ZNF135: variants seen among roughly 807,000 people sequenced by gnomAD.
ZNF135 encodes zinc finger protein 135.
ZNF135 carries 11 observed loss-of-function variants against 12.3 expected under a neutral mutation model. That is an observed-to-expected ratio of 0.89 (90% CI 0.56 to 1.48). The LOEUF is 1.48. Ranked by LOEUF, ZNF135 falls within the 40% of genes most tolerant of loss-of-function variation. ZNF135 has a pLI of 0.00. For synonymous variants in ZNF135, 316 were observed against 312.0 expected (o/e 1.01, Z -0.14); for missense variants, 722 against 815.7 (o/e 0.89, Z 1.40).
Position 58,067,001 on chromosome 19 carries a change from C to T in ZNF135, c.517C>T (p.Pro173Ser), listed in dbSNP as rs537028762. The T allele has an allele frequency of 8.1e-5, 130 of 1,614,150 alleles. No individual in the cohort carries two copies. The South Asian group carries it at 1.3e-3, about 16-fold the overall frequency. ...NGFGENISLN[P>S]DLPHQPMTPE... is the part of the protein sequence containing the mutation. ...GTTTGGGGAAAACATAAGTCTGAACCCTGATCTCCCACATCAACCAATGAC... is the reference window on the plus strand; with the variant it reads ...GTTTGGGGAAAACATAAGTCTGAACTCTGATCTCCCACATCAACCAATGAC... The change falls in exon 5 of 5, where the codon CCT becomes TCT. Residue 173 changes from proline (P) to serine (S), a missense_variant. By Grantham distance (74) the Pro-to-Ser change is moderately conservative (BLOSUM62 -1). Transcript: ENST00000313434.
In ZNF135 at chr19:58,059,552, A is replaced by G. The variant is rs2073930971; in HGVS notation, c.-35+242A>G. ...GGGGCCCAACGCCCAGCTGGACAGG[A>G]GCTGCTCCGACGGCCCCTGAGGGAA... On this transcript the variant is annotated intron_variant, in intron 1 of 4. Transcript: ENST00000313434. This position sits in a 1 kb window ranked among gnomAD's most constrained non-coding sequence, Gnocchi z 6.5. 6.6e-6 allele frequency among the ~76,000 whole-genome samples: 1 copy of G among 151,922 alleles called. No individual in the cohort carries two copies. Among genetic ancestry groups the G allele is most frequent in the South Asian group, 2.1e-4 (1 of 4,822 alleles).
intron 3 of ZNF135, among the ~76,000 whole-genome samples, chr19:58,062,113 T>G (rs1166378265): frequency 1.3e-5 from 2 of 152,240 alleles, no homozygotes; most frequent in Admixed American, 6.5e-5. Flanking sequence ...CTCATGGTTC[T>G]GGAGGCTGGG....
chr19:58,065,314 C>G lies in ZNF135; in HGVS notation c.257-1427C>G, dbSNP rs2074046430. 1.3e-5 allele frequency among the ~76,000 whole-genome samples: 2 copies of G among 152,108 alleles called. No homozygotes were observed. The highest frequency in any genetic ancestry group is 1.3e-4 in the Admixed American group (2 of 15,272). Reference sequence around the variant, plus strand: ...GCTCAGGTGATCCTCCTGCCTCAGCCTCCTGAGTAGCTGAGACTACAGGTG... The same window carrying G: ...GCTCAGGTGATCCTCCTGCCTCAGCGTCCTGAGTAGCTGAGACTACAGGTG... On this transcript the variant is annotated intron_variant, in intron 4 of 4. Coordinates refer to ENST00000313434, the MANE Select transcript of ZNF135 (RefSeq NM_001289401.2). This position sits in a 1 kb window ranked among gnomAD's most constrained non-coding sequence, Gnocchi z 4.0.
At chr19:58,064,848 C>T (rs987495056) in intron 4 of ZNF135, among the ~76,000 whole-genome samples, 1 of 152,140 alleles carries the variant, frequency 6.6e-6, no homozygotes, top group African/African-American at 2.4e-5. Flanking sequence ...CAAGATCACG[C>T]CACTGTGCTC....
chr19:58,062,516 G>A (rs1358359663), intron 3 of ZNF135, among the ~76,000 whole-genome samples: 1 of 151,612 alleles, frequency 6.6e-6, no homozygotes, highest in Non-Finnish European at 1.5e-5. Flanking sequence ...CTGAGTAGCT[G>A]GGACTACAGG....
rs2074049507 is a variant in ZNF135, at chr19:58,065,456, A to T, written c.257-1285A>T. On this transcript the variant is annotated intron_variant, in intron 4 of 4. Transcript: ENST00000313434. The surrounding 1 kb of genome is among the most constrained non-coding windows in gnomAD (Gnocchi z 4.0). ...AGGAGTCCTCCCACCTCAGCTGCCC[A>T]AAGTGTTGAGATTACAGGCATGAGG... Among the ~76,000 whole-genome samples, 1 of 152,172 alleles carries T rather than the reference A, an allele frequency of 6.6e-6. No individual in the cohort carries two copies. Among genetic ancestry groups the T allele is most frequent in the African/African-American group, 2.4e-5 (1 of 41,442 alleles).
chr19:58,062,476 G>A (rs576500414), intron 3 of ZNF135, among the ~76,000 whole-genome samples: 3 of 152,048 alleles, frequency 2.0e-5, no homozygotes, highest in Admixed American at 6.5e-5. Context: ...TCTGCCTCCC[G>A]GGTTCACACC....
At position 58,059,458 on chromosome 19, in the gene ZNF135, C is replaced by T. The variant is rs1240053251; in HGVS notation, c.-35+148C>T. 4.4e-6 allele frequency: 4 copies of T among 900,808 alleles called. No individual in the cohort carries two copies. Among genetic ancestry groups the T allele is most frequent in the Non-Finnish European group, 6.3e-6 (4 of 633,374 alleles). 55.8% of individuals were successfully genotyped at this position (900,808 alleles called of 1,614,324 possible). A position where few individuals can be genotyped will look rare whatever the true frequency, so the allele number is the denominator to read the frequency against. ...GTGGAGTCCGTTTTGCTGCCCGGGG[C>T]CTGGGGAAGGCCGTTTCGGGGCTGG... On this transcript the variant is annotated intron_variant, in intron 1 of 4. Transcript: ENST00000313434. The surrounding 1 kb of genome is among the most constrained non-coding windows in gnomAD (Gnocchi z 6.5).
rs148449225 is a variant in ZNF135, at chr19:58,068,214, C to T, written c.1730C>T (p.Pro577Leu). 2.1e-4 allele frequency: 346 copies of T among 1,613,984 alleles called. 1 individual carries two copies. The East Asian group carries it at 2.6e-3, about 12-fold the overall frequency. The change falls in exon 5 of 5, where the codon CCG becomes CTG. Residue 577 changes from proline to leucine, a missense_variant. Transcript: ENST00000313434. Reference sequence around the variant, plus strand: ...CAGAGGATTCACACCAAGGAAAAGCCGTATGGGTGCAATGAGTGTGGGAAA... The same window carrying T: ...CAGAGGATTCACACCAAGGAAAAGCTGTATGGGTGCAATGAGTGTGGGAAA... Reference protein sequence around the residue: ...EHQRIHTKEKPYGCNECGKSF... With the variant: ...EHQRIHTKEKLYGCNECGKSF...
Position 58,068,856 on chromosome 19 carries a change from C to A in ZNF135, c.*395C>A, listed in dbSNP as rs1338280086. 3 of 181,788 alleles carry A rather than the reference C, an allele frequency of 1.7e-5. No homozygotes were observed. The South Asian group carries it at 3.8e-4, about 23-fold the overall frequency. The allele number at this position is 181,788 out of a possible 1,614,324, so 11.3% of individuals were successfully genotyped here. ...AAATTGGTGAGAAACCCAACAAATG[C>A]CTTTCATATATACGAGAACCAAATG... On this transcript the variant is annotated 3_prime_UTR_variant, in exon 5 of 5. Coordinates refer to ENST00000313434, the MANE Select transcript of ZNF135 (RefSeq NM_001289401.2).
chr19:58,068,543 T>G lies in ZNF135; in HGVS notation c.*82T>G. 1 of 1,495,070 alleles carries G rather than the reference T, an allele frequency of 6.7e-7. No individual in the cohort carries two copies. The highest frequency in any genetic ancestry group is 9.0e-7 in the Non-Finnish European group (1 of 1,107,994). 92.6% of individuals were successfully genotyped at this position (1,495,070 alleles called of 1,614,324 possible). ...TCTAGATTTGACCCAATCATACACA[T>G]GAGAAACGTACATTCATACACAAGC... On this transcript the variant is annotated 3_prime_UTR_variant, in exon 5 of 5. Transcript: ENST00000313434.
chr19:58,063,338 A>AG lies in ZNF135; in HGVS notation c.161-104dup, dbSNP rs774102235. 190 of 1,503,074 alleles carry AG rather than the reference A, an allele frequency of 1.3e-4. No individual in the cohort carries two copies. Among genetic ancestry groups the AG allele is most frequent in the Middle Eastern group, 1.9e-4 (1 of 5,214 alleles). The allele number at this position is 1,503,074 out of a possible 1,614,324, so 93.1% of individuals were successfully genotyped here. A position where few individuals can be genotyped will look rare whatever the true frequency, so the allele number is the denominator to read the frequency against. ...GTGGGTATGACAGCTGAAGTCACTCAGGGGTCCCCAGCCATCTGGGACCTG... is the reference window on the plus strand; with the variant it reads ...GTGGGTATGACAGCTGAAGTCACTCAGGGGGTCCCCAGCCATCTGGGACCTG... On this transcript the variant is annotated intron_variant, in intron 3 of 4. Coordinates refer to ENST00000313434, the MANE Select transcript of ZNF135 (RefSeq NM_001289401.2). The surrounding 1 kb of genome is among the most constrained non-coding windows in gnomAD (Gnocchi z 4.4).
Position 58,059,687 on chromosome 19 carries a change from A to G in ZNF135, c.-34-282A>G, listed in dbSNP as rs1196182077. 2 of 530,140 alleles carry G rather than the reference A, an allele frequency of 3.8e-6. No individual in the cohort carries two copies. Among genetic ancestry groups the G allele is most frequent in the African/African-American group, 3.9e-5 (2 of 50,674 alleles). The allele number at this position is 530,140 out of a possible 1,614,324, so 32.8% of individuals were successfully genotyped here. ...ATAGTGCCCAGGGCCAGGGGACCGC[A>G]ACCACCCGGCCCTTGTCACTGTAGC... On this transcript the variant is annotated intron_variant, in intron 1 of 4. Coordinates refer to ENST00000313434, the MANE Select transcript of ZNF135 (RefSeq NM_001289401.2). This position sits in a 1 kb window ranked among gnomAD's most constrained non-coding sequence, Gnocchi z 6.5.
Position 58,068,172 on chromosome 19 carries a change from C to G in ZNF135, c.1688C>G (p.Ser563Cys). 6.2e-7 allele frequency: 1 copy of G among 1,613,990 alleles called. No individual in the cohort carries two copies. Among genetic ancestry groups the G allele is most frequent in the South Asian group, 1.1e-5 (1 of 91,074 alleles). Residue 563 changes from serine to cysteine, a missense_variant, in exon 5 of 5, where the codon TCC (serine) becomes TGC (cysteine). Ser to Cys is a moderately radical substitution (Grantham distance 112). Coordinates refer to ENST00000313434, the MANE Select transcript of ZNF135 (RefSeq NM_001289401.2). ...NQCGRAFSQS[S>C]LLIEHQRIHT... ...TGTGGCAGAGCCTTCAGCCAGAGCT[C>G]CCTTCTCATCGAACACCAGAGGATT...
chr19:58,060,066 TCCACCTCGTGCCCGG>T lies in ZNF135; in HGVS notation c.33+34_33+48del. On this transcript the variant is annotated intron_variant, in intron 2 of 4. Coordinates refer to ENST00000313434, the MANE Select transcript of ZNF135 (RefSeq NM_001289401.2). This position sits in a 1 kb window ranked among gnomAD's most constrained non-coding sequence, Gnocchi z 4.9. ...AATCTCGGCCTCCTTGCGCGTGTCC[TCCACCTCGTGCCCGG>T]CCTCCTCGCGCGCGGCCTTCTCACG... is the stretch of plus-strand genomic sequence containing the variant. The T allele has an allele frequency of 1.2e-6, 2 of 1,612,430 alleles. No homozygotes were observed. Among genetic ancestry groups the T allele is most frequent in the Non-Finnish European group, 1.7e-6 (2 of 1,179,772 alleles).
chr19:58,067,715 G>A lies in ZNF135; in HGVS notation c.1231G>A (p.Glu411Lys), dbSNP rs765697936. ...QRTHTGEKPY[E>K]CGECGKAFSQ... ...GACCCACACAGGAGAAAAGCCCTAT[G>A]AGTGTGGTGAGTGTGGGAAAGCCTT... Residue 411 changes from glutamate (E) to lysine (K), a missense_variant, in exon 5 of 5, where the codon GAG (glutamate) becomes AAG (lysine). Coordinates refer to ENST00000313434, the MANE Select transcript of ZNF135 (RefSeq NM_001289401.2). 2 of 1,614,068 alleles carry A rather than the reference G, an allele frequency of 1.2e-6. No homozygotes were observed. The highest frequency in any genetic ancestry group is 1.7e-5 in the Admixed American group (1 of 60,014).
At position 58,068,365 on chromosome 19, in the gene ZNF135, C is replaced by G; in HGVS notation, c.1881C>G (p.Ile627Met). The G allele has an allele frequency of 6.2e-7, 1 of 1,613,728 alleles. No homozygotes were observed. The highest frequency in any genetic ancestry group is 8.5e-7 in the Non-Finnish European group (1 of 1,179,882). The change falls in exon 5 of 5, where the codon ATC becomes ATG. Residue 627 changes from isoleucine to methionine, a missense_variant. Transcript: ENST00000313434. ...QSTHLTQHRR[I>M]HTGEKPYACR... ...CCCACCTCACTCAGCACCGGAGGAT[C>G]CACACAGGAGAGAAGCCATATGCAT... is the stretch of plus-strand genomic sequence containing the variant.
In ZNF135 at chr19:58,060,404, C is replaced by A; in HGVS notation, c.33+369C>A. The A allele has an allele frequency of 1.7e-6, 2 of 1,196,798 alleles. No individual in the cohort carries two copies. Among genetic ancestry groups the A allele is most frequent in the Non-Finnish European group, 1.0e-6 (1 of 955,670 alleles). 74.1% of individuals were successfully genotyped at this position (1,196,798 alleles called of 1,614,324 possible). On this transcript the variant is annotated intron_variant, in intron 2 of 4. Transcript: ENST00000313434. This position sits in a 1 kb window ranked among gnomAD's most constrained non-coding sequence, Gnocchi z 4.9. ...CCGCCCACGCCGCGCTGGAGGTCAGCGGGCACGGGTCCCTGTCTGAGTGGG... is the reference window on the plus strand; with the variant it reads ...CCGCCCACGCCGCGCTGGAGGTCAGAGGGCACGGGTCCCTGTCTGAGTGGG...
Position 58,059,374 on chromosome 19 carries a change from GGGGT to G in ZNF135, c.-35+65_-35+68del. 7 of 847,858 alleles carry G rather than the reference GGGGT, an allele frequency of 8.3e-6. No individual in the cohort carries two copies. In the African/African-American group the frequency reaches 1.4e-4, roughly 17 times the overall value. The allele number at this position is 847,858 out of a possible 1,614,324, so 52.5% of individuals were successfully genotyped here. On this transcript the variant is annotated intron_variant, in intron 1 of 4. Coordinates refer to ENST00000313434, the MANE Select transcript of ZNF135 (RefSeq NM_001289401.2). This position sits in a 1 kb window ranked among gnomAD's most constrained non-coding sequence, Gnocchi z 6.5. The stretch of plus-strand genomic sequence containing the variant: ...CCGGGCCGGGCCGGGCCGGGTGCGG[GGGGT>G]CCGGGGATCTTCCTGAGGCCCTGGC...
Sources: allele counts gnomAD v4.1 joint callset (sites outside exome capture counted in the v4.1 genomes callset), GRCh38; gene constraint gnomAD v4.1.1; non-coding constraint Gnocchi (gnomAD v3.1); transcripts MANE v1.5; gene names NCBI Gene and HGNC (gene_info 2026-07-23, HGNC 2026-07-21).